Variants in KCTD16 observed in about 807,000 individuals in gnomAD.
The protein encoded by KCTD16 is potassium channel tetramerization domain containing 16.
KCTD16 carries 13 observed loss-of-function variants against 33.2 expected under a neutral mutation model. The observed-to-expected ratio is 0.39, with a 90% CI of 0.25 to 0.62. The LOEUF (loss-of-function observed/expected upper bound fraction) is 0.62, where lower values mean the gene tolerates loss of function less well. Among genes scored for constraint, KCTD16 ranks in the 20% least tolerant of loss-of-function variants. The pLI, the probability that KCTD16 is intolerant of heterozygous loss-of-function variation, is 0.50. For synonymous variants in KCTD16, 197 were observed against 195.3 expected (o/e 1.01, Z -0.07); for missense variants, 441 against 525.1 (o/e 0.84, Z 1.57).
intron 2 of KCTD16, among the ~76,000 whole-genome samples, chr5:144,181,402 A>G (rs1467153429): frequency 6.6e-6 from 1 of 152,238 alleles, no homozygotes; most frequent in Non-Finnish European, 1.5e-5. Flanking sequence ...GTATCTACAC[A>G]GCAATTCCCT....
intron 3 of KCTD16, 144 bp downstream of exon 3, chr5:144,207,690 A>C: frequency 1.5e-6 from 1 of 685,260 alleles, no homozygotes; most frequent in Non-Finnish European, 2.4e-6. Flanking sequence ...ATTAGAGGTT[A>C]TAATTCAGCT....
chr5:144,277,200 T>G (rs185050668), intron 3 of KCTD16, among the ~76,000 whole-genome samples: 4 of 152,348 alleles, frequency 2.6e-5, no homozygotes, highest in African/African-American at 9.6e-5. Context: ...AATTGCATAG[T>G]TCTTTGTGCT....
rs349699 is a variant in KCTD16 at position 144,476,692 on chromosome 5, C to G, written c.*2578C>G. 0.43 allele frequency: 65,012 copies of G among 151,758 alleles called. 14,132 individuals are homozygous for G. Among genetic ancestry groups the G allele is most frequent in the East Asian group, 0.67 (3,444 of 5,130 alleles). The allele number at this position is 151,758 out of a possible 1,614,324, so 9.4% of individuals were successfully genotyped here. On this transcript the variant is annotated 3_prime_UTR_variant, in exon 4 of 4. Coordinates refer to ENST00000512467, the MANE Select transcript of KCTD16 (RefSeq NM_020768.4). ...ACATAGACCTGGCCAGTAAAAGGCT[C>G]TGAGGAGGCTTAAAGTACCTAGTTT...
At chr5:144,199,749 G>A (rs941468194) in intron 2 of KCTD16, among the ~76,000 whole-genome samples, 1 of 117,124 alleles carries the variant, frequency 8.5e-6, no homozygotes, top group Admixed American at 1.2e-4. Context: ...ACAGAGTCTC[G>A]CTTTGTCATC....
At chr5:144,288,875 C>T (rs1016967165) in intron 3 of KCTD16, among the ~76,000 whole-genome samples, 1 of 152,010 alleles carries the variant, frequency 6.6e-6, no homozygotes, top group African/African-American at 2.4e-5. Context: ...GCCTGTAATC[C>T]CATCATGGCA....
At chr5:144,447,381 G>A (rs533560505) in intron 3 of KCTD16, among the ~76,000 whole-genome samples, 46 of 152,118 alleles carry the variant, frequency 3.0e-4, no homozygotes, top group East Asian at 2.1e-3. Flanking sequence ...CACAGGGAGC[G>A]GAACATCACA....
intron 3 of KCTD16, among the ~76,000 whole-genome samples, chr5:144,281,998 G>C (rs1755620866): frequency 6.6e-6 from 1 of 152,074 alleles, no homozygotes; most frequent in Non-Finnish European, 1.5e-5. Flanking sequence ...CTTTCTCTTA[G>C]TTTTCTGGCA....
intron 3 of KCTD16, among the ~76,000 whole-genome samples, chr5:144,361,802 T>C (rs991186371): frequency 4.6e-5 from 7 of 152,156 alleles, no homozygotes; most frequent in Admixed American, 2.0e-4. Context: ...GTGGCCTATA[T>C]AGCTAAAAAA....
chr5:144,422,735 G>T (rs1349586005), intron 3 of KCTD16, among the ~76,000 whole-genome samples: 1 of 152,100 alleles, frequency 6.6e-6, no homozygotes, highest in African/African-American at 2.4e-5. Context: ...TTCTGTAGAA[G>T]AATATGTTAC....
At chr5:144,414,515 C>A (rs1172865100) in intron 3 of KCTD16, among the ~76,000 whole-genome samples, 1 of 152,174 alleles carries the variant, frequency 6.6e-6, no homozygotes, top group Non-Finnish European at 1.5e-5. Flanking sequence ...GGGACAATGT[C>A]TTCTTAGTCA....
chr5:144,333,076 C>A (rs1247335599), intron 3 of KCTD16, among the ~76,000 whole-genome samples: 1 of 152,106 alleles, frequency 6.6e-6, no homozygotes, highest in Non-Finnish European at 1.5e-5. Context: ...AGCTACAATT[C>A]GAGATGAGAT....
At chr5:144,471,335 A>G (rs887567942) in intron 3 of KCTD16, among the ~76,000 whole-genome samples, 1 of 152,258 alleles carries the variant, frequency 6.6e-6, no homozygotes, top group Non-Finnish European at 1.5e-5. Context: ...CTACTTGTTC[A>G]GCAGGGTTTA....
At chr5:144,304,932 T>C (rs1447326798) in intron 3 of KCTD16, among the ~76,000 whole-genome samples, 1 of 151,530 alleles carries the variant, frequency 6.6e-6, no homozygotes, top group Non-Finnish European at 1.5e-5. Context: ...GGCCCTTTTG[T>C]GGTACTGGAA....
rs1409418163 is a variant in KCTD16, at chr5:144,216,023, CT to C, written c.832+8478del. ...GTGATTAATAGATGGTTTCCTCCCC[CT>C]ATCCCTCACCTTGATTTCAACCTGT... On this transcript the variant is annotated intron_variant, in intron 3 of 3. Transcript: ENST00000512467. 5.3e-5 allele frequency among the ~76,000 whole-genome samples: 8 copies of C among 152,324 alleles called. No individual in the cohort carries two copies. The South Asian group carries it at 8.3e-4, about 16-fold the overall frequency.
At chr5:144,299,305 G>A (rs1751352086) in intron 3 of KCTD16, among the ~76,000 whole-genome samples, 1 of 150,896 alleles carries the variant, frequency 6.6e-6, no homozygotes, top group Non-Finnish European at 1.5e-5. Flanking sequence ...CCACTTGGCT[G>A]TACATAATAA....
intron 3 of KCTD16, among the ~76,000 whole-genome samples, chr5:144,244,041 C>T (rs1754480984): frequency 6.6e-6 from 1 of 152,102 alleles, no homozygotes; most frequent in Non-Finnish European, 1.5e-5. Context: ...CCGCGTCCAG[C>T]CCCCCATGAA....
At chr5:144,371,258 T>A (rs1751959679) in intron 3 of KCTD16, among the ~76,000 whole-genome samples, 1 of 152,194 alleles carries the variant, frequency 6.6e-6, no homozygotes, top group African/African-American at 2.4e-5. Flanking sequence ...TATATTGTAC[T>A]TTCATTTTAG....
At chr5:144,434,806 G>A (rs75646593) in intron 3 of KCTD16, among the ~76,000 whole-genome samples, 15 of 152,116 alleles carry the variant, frequency 9.9e-5, no homozygotes, top group South Asian at 2.1e-4. Context: ...TTCCTGTAGC[G>A]CAAATACAAT....
In KCTD16 at chr5:144,330,163, A is replaced by G. The variant is rs145077487; in HGVS notation, c.832+122617A>G. Among the ~76,000 whole-genome samples, 1,497 of 152,310 alleles carry G rather than the reference A, an allele frequency of 9.8e-3. 22 individuals are homozygous for G. Among genetic ancestry groups the G allele is most frequent in the African/African-American group, 0.034 (1,407 of 41,572 alleles). ...AGTGGTGGCTCACGCCTGTAATCCC[A>G]GCACTTTGGGAGGCCAAGGTGGGTG... On this transcript the variant is annotated intron_variant, in intron 3 of 3. Coordinates refer to ENST00000512467, the MANE Select transcript of KCTD16 (RefSeq NM_020768.4).
Sources: gnomAD v4.1 joint callset for allele counts (sites outside exome capture counted in the v4.1 genomes callset) on GRCh38, gnomAD v4.1.1 for gene constraint, MANE v1.5 for transcripts, NCBI Gene and HGNC (gene_info 2026-07-23, HGNC 2026-07-21) for gene names.